UNC5D: variants seen among roughly 807,000 people sequenced by gnomAD.
The protein encoded by UNC5D is netrin receptor UNC5D.
In UNC5D, 39 loss-of-function variants were observed where a neutral mutation model predicts 105.4. That is an observed-to-expected ratio of 0.37 (90% CI 0.29 to 0.48). UNC5D has a LOEUF of 0.48. UNC5D is among the 20% of genes least tolerant of loss of function. UNC5D has a pLI of 0.98. For synonymous variants in UNC5D, 452 were observed against 450.4 expected (o/e 1.00, Z -0.04); for missense variants, 991 against 1,202.4 (o/e 0.82, Z 2.60).
At chr8:35,310,523 G>T (rs1808794126) in intron 1 of UNC5D, among the ~76,000 whole-genome samples, 1 of 152,102 alleles carries the variant, frequency 6.6e-6, no homozygotes, top group South Asian at 2.1e-4. Flanking sequence ...GGGTGACTGA[G>T]GCAGGAGAAT....
At chr8:35,753,737 G>A (rs562296503) in intron 13 of UNC5D, among the ~76,000 whole-genome samples, 1 of 152,320 alleles carries the variant, frequency 6.6e-6, no homozygotes, top group East Asian at 1.9e-4. Context: ...TATGACAGCT[G>A]TCATGAGCAG....
chr8:35,391,427 G>T (rs1304325144), intron 1 of UNC5D, among the ~76,000 whole-genome samples: 1 of 152,066 alleles, frequency 6.6e-6, no homozygotes, highest in African/African-American at 2.4e-5. Flanking sequence ...AAACAAAAGG[G>T]TATTCAATTA....
chr8:35,300,254 C>T (rs1807833204), intron 1 of UNC5D, among the ~76,000 whole-genome samples: 1 of 151,736 alleles, frequency 6.6e-6, no homozygotes, highest in Non-Finnish European at 1.5e-5. Context: ...TCAAGACCAG[C>T]CTGGCCAACA....
intron 2 of UNC5D, among the ~76,000 whole-genome samples, chr8:35,555,001 T>C (rs1816435095): frequency 6.6e-6 from 1 of 152,196 alleles, no homozygotes; most frequent in Non-Finnish European, 1.5e-5. Flanking sequence ...GTTTATATCT[T>C]AGAATGTTGC....
At chr8:35,789,894 A>C (rs990820403) in intron 16 of UNC5D, among the ~76,000 whole-genome samples, 1 of 138,238 alleles carries the variant, frequency 7.2e-6, no homozygotes, top group African/African-American at 3.2e-5. Flanking sequence ...GTCAAGAAGA[A>C]AACACACACA....
chr8:35,305,577 T>TTTTCTTTC (rs1179890296), intron 1 of UNC5D, among the ~76,000 whole-genome samples: 3,990 of 53,662 alleles, frequency 0.074, 70 homozygotes, highest in Non-Finnish European at 0.094. Flanking sequence ...CTTTCTTTCT[T>TTTTCTTTC]TTTCTTTCTT....
intron 1 of UNC5D, among the ~76,000 whole-genome samples, chr8:35,354,950 C>G (rs1307084374): frequency 1.3e-5 from 2 of 152,164 alleles, no homozygotes; most frequent in African/African-American, 2.4e-5. Flanking sequence ...TCTCACAGCA[C>G]AGTGCTATCA....
intron 1 of UNC5D, among the ~76,000 whole-genome samples, chr8:35,268,165 TAAC>T (rs1219128424): frequency 6.6e-6 from 1 of 152,140 alleles, no homozygotes; most frequent in Non-Finnish European, 1.5e-5. Context: ...GTTTTCCAAA[TAAC>T]AAAATTTTCA....
At chr8:35,494,018 G>T (rs1811382050) in intron 1 of UNC5D, among the ~76,000 whole-genome samples, 1 of 152,112 alleles carries the variant, frequency 6.6e-6, no homozygotes, top group Non-Finnish European at 1.5e-5. Context: ...TCCACCAGTA[G>T]ATAGTTCTAT....
At chr8:35,767,853 G>A (rs1354994589) in intron 15 of UNC5D, among the ~76,000 whole-genome samples, 2 of 152,056 alleles carry the variant, frequency 1.3e-5, no homozygotes, top group East Asian at 3.9e-4. Context: ...TTGAACATAA[G>A]CTTATAAAGT....
chr8:35,396,027 A>G (rs909835180), intron 1 of UNC5D, among the ~76,000 whole-genome samples: 5 of 152,184 alleles, frequency 3.3e-5, no homozygotes, highest in South Asian at 4.1e-4. Context: ...CCATGGGAAT[A>G]CCAATTTGTA....
chr8:35,389,638 A>G (rs996237098), intron 1 of UNC5D, among the ~76,000 whole-genome samples: 1 of 151,984 alleles, frequency 6.6e-6, no homozygotes, highest in African/African-American at 2.4e-5. Flanking sequence ...GGTTAAATAT[A>G]TAATACCAAG....
intron 2 of UNC5D, among the ~76,000 whole-genome samples, chr8:35,566,267 C>T (rs1359128724): frequency 6.6e-6 from 1 of 152,150 alleles, no homozygotes; most frequent in Non-Finnish European, 1.5e-5. Flanking sequence ...TCATAAATAA[C>T]ACGTTATTAA....
chr8:35,300,186 G>T (rs1022943814), intron 1 of UNC5D, among the ~76,000 whole-genome samples: 2 of 151,890 alleles, frequency 1.3e-5, no homozygotes, highest in Admixed American at 6.6e-5. Context: ...GGTGGCTCAC[G>T]CCTGTAATCC....
chr8:35,684,522 G>A, intron 5 of UNC5D, 60 bp from the exon 6 acceptor site: 10 of 1,573,116 alleles, frequency 6.4e-6, no homozygotes, highest in Non-Finnish European at 8.6e-6. Flanking sequence ...CTTGCACATA[G>A]TAGGCAATCA....
intron 4 of UNC5D, among the ~76,000 whole-genome samples, chr8:35,630,889 A>G (rs915165953): frequency 1.3e-5 from 2 of 152,196 alleles, no homozygotes; most frequent in African/African-American, 4.8e-5. Flanking sequence ...CAAGGATTCA[A>G]GATAGCACTT....
intron 1 of UNC5D, among the ~76,000 whole-genome samples, chr8:35,265,756 G>A (rs1819086): frequency 0.82 from 124,255 of 151,514 alleles, 51,385 homozygotes; most frequent in East Asian, 1. Flanking sequence ...TGTAGTCCCA[G>A]CTACTCCAGA....
intron 4 of UNC5D, among the ~76,000 whole-genome samples, chr8:35,679,842 A>G (rs1312886442): frequency 1.3e-5 from 2 of 152,104 alleles, no homozygotes; most frequent in Non-Finnish European, 2.9e-5. Context: ...AAAGAAATTT[A>G]TTTCTTACCG....
chr8:35,380,192 CGAGAGGGAGAGAGAGAGAGAGAGA>C (rs1407501117), intron 1 of UNC5D, among the ~76,000 whole-genome samples: 39 of 112,234 alleles, frequency 3.5e-4, no homozygotes, highest in Non-Finnish European at 6.2e-4. Flanking sequence ...AGACAGAGAC[CGAGAGGGAGAGAGAGAGAGAGAGA>C]GAGAGGGAGA....
Sources: gnomAD v4.1 joint callset for allele counts (sites outside exome capture counted in the v4.1 genomes callset) on GRCh38, gnomAD v4.1.1 for gene constraint, MANE v1.5 for transcripts, NCBI Gene and HGNC (gene_info 2026-07-23, HGNC 2026-07-21) for gene names.